PNPLA1: variants seen among roughly 807,000 people sequenced by gnomAD.
The protein encoded by PNPLA1 is omega-hydroxyceramide transacylase.
Under a neutral mutation model 51.7 loss-of-function variants are expected in PNPLA1, and 36 were observed. The observed-to-expected ratio is 0.70, with a 90% CI of 0.53 to 0.92. The LOEUF is 0.92. Ranked by LOEUF, PNPLA1 falls within the 40% of genes least tolerant of loss-of-function variation. The pLI is 0.00. For missense variants in PNPLA1, 658 were observed against 682.5 expected (o/e 0.96, Z 0.40); for synonymous variants, 293 against 280.1 (o/e 1.05, Z -0.46).
chr6:36,282,092 G>A (rs13199902), intron 1 of PNPLA1, among the ~76,000 whole-genome samples: 3,294 of 39,806 alleles, frequency 0.083, 146 homozygotes, highest in Middle Eastern at 0.12. Flanking sequence ...AAAGAAAGAA[G>A]GAAGGAAGGA....
chr6:36,260,543 T>G (rs1479041135), intron 1 of PNPLA1, among the ~76,000 whole-genome samples: 1 of 152,242 alleles, frequency 6.6e-6, no homozygotes, highest in Non-Finnish European at 1.5e-5. Context: ...CAGGTTTCCC[T>G]ACTTTCCATC....
intron 5 of PNPLA1, among the ~76,000 whole-genome samples, chr6:36,298,351 A>G (rs1010818140): frequency 9.2e-5 from 14 of 152,362 alleles, no homozygotes; most frequent in Admixed American, 5.9e-4. Flanking sequence ...TCTCTTGGGT[A>G]AATACCTAGA....
chr6:36,284,981 G>T (rs1322425966), intron 1 of PNPLA1, among the ~76,000 whole-genome samples: 5 of 152,088 alleles, frequency 3.3e-5, no homozygotes, highest in African/African-American at 1.2e-4. Context: ...GAAATAAAAT[G>T]GTAAATAAAC....
chr6:36,293,847 G>A (rs929386078), intron 3 of PNPLA1, among the ~76,000 whole-genome samples: 1 of 152,218 alleles, frequency 6.6e-6, no homozygotes, highest in African/African-American at 2.4e-5. Context: ...TGGTGGGGCT[G>A]TAGCAGAGGA....
In PNPLA1 at chr6:36,294,276, G is replaced by C. The variant is rs1325045627; in HGVS notation, c.591G>C (p.Gln197His). The change falls in exon 4 of 9, where the codon CAG (glutamine) becomes CAC (histidine). Residue 197 changes from glutamine to histidine, a missense_variant. Gln to His is a conservative substitution (Grantham distance 24). Transcript: ENST00000636260. The surrounding 1 kb of genome is among the most constrained non-coding windows in gnomAD (Gnocchi z 4.2). ...CCATCTCCACCTTCAGTGGGCAGCA[G>C]GACATCTGTCCCCGGGACTGCCCGG... The part of the protein sequence containing the change: ...AITISTFSGQ[Q>H]DICPRDCPAI... 1 of 1,614,242 alleles carries C rather than the reference G, an allele frequency of 6.2e-7. No individual in the cohort carries two copies. The highest frequency in any genetic ancestry group is 1.7e-5 in the Admixed American group (1 of 60,038).
chr6:36,288,904 G>A (rs1043037029), intron 1 of PNPLA1, among the ~76,000 whole-genome samples: 27 of 152,144 alleles, frequency 1.8e-4, no homozygotes, highest in African/African-American at 6.5e-4. Flanking sequence ...TCCAGCTTGG[G>A]TGACAGAACA....
At chr6:36,260,452 T>G (rs992079964) in intron 1 of PNPLA1, among the ~76,000 whole-genome samples, 9 of 152,196 alleles carry the variant, frequency 5.9e-5, no homozygotes, top group African/African-American at 2.2e-4. Context: ...TATAAGAAAG[T>G]GTTTTAAATT....
At chr6:36,254,256 G>A (rs1769482230) in intron 1 of PNPLA1, among the ~76,000 whole-genome samples, 1 of 152,084 alleles carries the variant, frequency 6.6e-6, no homozygotes, top group South Asian at 2.1e-4. Flanking sequence ...ATCCCATCCT[G>A]GTCTTGGTTC....
intron 1 of PNPLA1, among the ~76,000 whole-genome samples, chr6:36,244,571 A>T (rs1171708095): frequency 6.6e-6 from 1 of 152,210 alleles, no homozygotes; most frequent in Non-Finnish European, 1.5e-5. Flanking sequence ...CTGTGTGAGC[A>T]TCCCTGACCT....
Position 36,291,332 on chromosome 6 carries a change from G to A in PNPLA1, c.218G>A (p.Arg73Lys), listed in dbSNP as rs747828652. 23 of 1,614,018 alleles carry A rather than the reference G, an allele frequency of 1.4e-5. No homozygotes were observed. The highest frequency in any genetic ancestry group is 1.9e-5 in the Non-Finnish European group (23 of 1,179,942). Residue 73 changes from arginine (R) to lysine (K), a missense_variant, in exon 2 of 9, where the codon AGA becomes AAA. Physicochemically the swap from Arg to Lys is conservative, Grantham distance 26. Coordinates refer to ENST00000636260, the MANE Select transcript of PNPLA1 (RefSeq NM_001374623.1). ...GCTTCCTTTGCAGATGAGTATCTCA[G>A]AGTCCTCAACGTGGGTGTGGCCGAG... ...ICGIEMDEYL[R>K]VLNVGVAEVK...
At chr6:36,269,736 C>G (rs796634909), upstream of PNPLA1, among the ~76,000 whole-genome samples, 27 of 152,254 alleles carry the variant, frequency 1.8e-4, no homozygotes, top group Admixed American at 4.6e-4. Flanking sequence ...TCACACTTCT[C>G]TTAAAATTTT....
Position 36,313,309 on chromosome 6 carries a change from C to CT in PNPLA1, c.*1424dup, listed in dbSNP as rs1561877245. On this transcript the variant is annotated 3_prime_UTR_variant, in exon 9 of 9. Coordinates refer to ENST00000636260, the MANE Select transcript of PNPLA1 (RefSeq NM_001374623.1). The stretch of plus-strand genomic sequence containing the variant: ...GCCTGTCCAGAAAATAATTGCCCCC[C>CT]TCCTCCCCAGAGAGCAGACAACCTC... Among the ~76,000 whole-genome samples the CT allele has an allele frequency of 6.6e-6, 1 of 152,206 alleles. No homozygotes were observed. The highest frequency in any genetic ancestry group is 2.4e-5 in the African/African-American group (1 of 41,458).
chr6:36,308,003 T>G, intron 8 of PNPLA1: 1 of 257,942 alleles, frequency 3.9e-6, no homozygotes, highest in Non-Finnish European at 7.5e-6. Flanking sequence ...AATTGCTTCA[T>G]AGAATGCAGA....
At chr6:36,276,876 G>A (rs1271636372) in intron 1 of PNPLA1, among the ~76,000 whole-genome samples, 1 of 152,168 alleles carries the variant, frequency 6.6e-6, no homozygotes, top group African/African-American at 2.4e-5. Context: ...CTTGCTGCAA[G>A]GAGCTTACAG....
At chr6:36,262,905 T>C (rs1035628240) in intron 1 of PNPLA1, among the ~76,000 whole-genome samples, 4 of 152,258 alleles carry the variant, frequency 2.6e-5, no homozygotes, top group Non-Finnish European at 5.9e-5. Context: ...TTACAATTGA[T>C]GCTGTATTTA....
Position 36,291,429 on chromosome 6 carries a change from C to T in PNPLA1, c.315C>T (p.Tyr105=), listed in dbSNP as rs141261965. 11 of 1,614,000 alleles carry T rather than the reference C, an allele frequency of 6.8e-6. No individual in the cohort carries two copies. The highest frequency in any genetic ancestry group is 1.1e-5 in the South Asian group (1 of 91,090). ...TGCAGATGATGAGGCAGTTTCTGTA[C>T]CGGGTCCTGCCCGAGGACTCCTACA... ...KMVQMMRQFL[Y]RVLPEDSYKV... Residue 105 remains tyrosine (Y), a synonymous_variant, in exon 2 of 9, where the codon TAC becomes TAT. Coordinates refer to ENST00000636260, the MANE Select transcript of PNPLA1 (RefSeq NM_001374623.1).
chr6:36,279,473 G>A (rs1770211217), intron 1 of PNPLA1, among the ~76,000 whole-genome samples: 1 of 152,228 alleles, frequency 6.6e-6, no homozygotes, highest in African/African-American at 2.4e-5. Flanking sequence ...CTTCCTCTTT[G>A]AGAACCTCGC....
At chr6:36,297,329 G>C (rs1053465000) in intron 5 of PNPLA1, among the ~76,000 whole-genome samples, 13 of 152,262 alleles carry the variant, frequency 8.5e-5, no homozygotes, top group Admixed American at 1.3e-4. Context: ...GGTGGGACTG[G>C]ATTTTTCTCT....
rs1192810569 is a variant in PNPLA1, at chr6:36,313,399, C to A, written c.*1513C>A. 6.6e-6 allele frequency among the ~76,000 whole-genome samples: 1 copy of A among 152,120 alleles called. No homozygotes were observed. Among genetic ancestry groups the A allele is most frequent in the Non-Finnish European group, 1.5e-5 (1 of 68,028 alleles). ...ACAGGCCTCAGGTACATTTGCTTAC[C>A]AAATCCTGAAATGCAAAACCCAGAA... On this transcript the variant is annotated 3_prime_UTR_variant, in exon 9 of 9. Transcript: ENST00000636260.
Sources: allele counts gnomAD v4.1 joint callset (sites outside exome capture counted in the v4.1 genomes callset), GRCh38; gene constraint gnomAD v4.1.1; non-coding constraint Gnocchi (gnomAD v3.1); transcripts MANE v1.5; gene names NCBI Gene and HGNC (gene_info 2026-07-23, HGNC 2026-07-21).